The following EEF2 variants were observed in gnomAD, a reference collection of about 807,000 sequenced individuals.
EEF2 encodes elongation factor 2.
EEF2 carries 21 observed loss-of-function variants against 85.3 expected under a neutral mutation model. That is an observed-to-expected ratio of 0.25 (90% confidence interval 0.17 to 0.35). EEF2 has a LOEUF of 0.35. Ranked by LOEUF, EEF2 falls within the 10% of genes least tolerant of loss-of-function variation. EEF2 has a pLI of 1.00. For missense variants in EEF2, 825 were observed against 1,225.3 expected, an observed-to-expected ratio of 0.67 and a Z score of 4.88; for synonymous variants, 723 against 508.8, an observed-to-expected ratio of 1.42 and a Z score of -5.67.
rs905281026 is a variant in EEF2 at position 3,976,099 on chromosome 19, C to G, written c.*455G>C. ...TATTATTCCAATGGCACTAGTACAG[C>G]TGGAGGTGCTCATGGTGACACCGCA... is the stretch of plus-strand genomic sequence containing the variant. On this transcript the variant is annotated 3_prime_UTR_variant, in exon 15 of 15. Transcript: ENST00000309311. 2 of 187,422 alleles carry G rather than the reference C, an allele frequency of 1.1e-5. No individual in the cohort carries two copies. Among genetic ancestry groups the G allele is most frequent in the Non-Finnish European group, 2.3e-5 (2 of 88,612 alleles). The allele number at this position is 187,422 out of a possible 1,614,324, so 11.6% of individuals were successfully genotyped here.
chr19:3,977,129 C>T lies in EEF2; in HGVS notation c.2383+86G>A, dbSNP rs2039688168. The stretch of plus-strand genomic sequence containing the variant: ...TCACCTGCTCCCATCAGGACGCCTC[C>T]TTTAACACCTTGCTAAGCTTAACTG... On this transcript the variant is annotated intron_variant, in intron 14 of 14. Coordinates refer to ENST00000309311, the MANE Select transcript of EEF2 (RefSeq NM_001961.4). The surrounding 1 kb of genome is among the most constrained non-coding windows in gnomAD (Gnocchi z 5.4). 6.4e-7 allele frequency: 1 copy of T among 1,556,160 alleles called. No homozygotes were observed. Among genetic ancestry groups the T allele is most frequent in the Admixed American group, 1.8e-5 (1 of 55,490 alleles).
chr19:3,985,388 G>T lies in EEF2; in HGVS notation c.-8C>A. On this transcript the variant is annotated 5_prime_UTR_variant, in exon 1 of 15. Coordinates refer to ENST00000309311, the MANE Select transcript of EEF2 (RefSeq NM_001961.4). The stretch of plus-strand genomic sequence containing the variant: ...GGCAGGGTTACTCACCATGGTGGCG[G>T]ATGGCGGTGGATTCTCCCAGGTAGA... The T allele has an allele frequency of 6.6e-7, 1 of 1,512,800 alleles. No homozygotes were observed. Among genetic ancestry groups the T allele is most frequent in the Non-Finnish European group, 8.9e-7 (1 of 1,127,640 alleles). 93.7% of individuals were successfully genotyped at this position (1,512,800 alleles called of 1,614,324 possible). A position where few individuals can be genotyped will look rare whatever the true frequency, so the allele number is the denominator to read the frequency against.
In EEF2 at chr19:3,985,451, G is replaced by T. The variant is rs373888946; in HGVS notation, c.-71C>A. The T allele has an allele frequency of 1.8e-4, 250 of 1,417,848 alleles. No homozygotes were observed. The highest frequency in any genetic ancestry group is 2.2e-4 in the Non-Finnish European group (240 of 1,075,870). The allele number at this position is 1,417,848 out of a possible 1,614,324, so 87.8% of individuals were successfully genotyped here. A position where few individuals can be genotyped will look rare whatever the true frequency, so the allele number is the denominator to read the frequency against. On this transcript the variant is annotated 5_prime_UTR_variant, in exon 1 of 15. Coordinates refer to ENST00000309311, the MANE Select transcript of EEF2 (RefSeq NM_001961.4). ...GAGTCGCGCCGAGGATGGCGGCGAC[G>T]ACGGCGGAAGAGAACGCTGACGTCA... is the stretch of plus-strand genomic sequence containing the variant.
At chr19:3,981,833 G>C (rs552713680) in intron 6 of EEF2, 114 bp downstream of exon 6, 13 of 929,908 alleles carry the variant, frequency 1.4e-5, no homozygotes, top group Middle Eastern at 3.3e-4. Context: ...CTCCCATCTC[G>C]CATCTGCCCC....
chr19:3,976,119 A>T lies in EEF2; in HGVS notation c.*435T>A. 1 of 203,060 alleles carries T rather than the reference A, an allele frequency of 4.9e-6. No homozygotes were observed. The highest frequency in any genetic ancestry group is 1.0e-5 in the Non-Finnish European group (1 of 98,252). 12.6% of individuals were successfully genotyped at this position (203,060 alleles called of 1,614,324 possible). On this transcript the variant is annotated 3_prime_UTR_variant, in exon 15 of 15. Transcript: ENST00000309311. The stretch of plus-strand genomic sequence containing the variant: ...TACAGCTGGAGGTGCTCATGGTGAC[A>T]CCGCACAGGACTTCCTGCCTGCTAG...
At chr19:3,980,115 A>G (rs1234248237) in intron 9 of EEF2, 49 bp from the exon 10 acceptor site, 1 of 1,583,820 alleles carries the variant, frequency 6.3e-7, no homozygotes, top group African/African-American at 1.3e-5. Flanking sequence ...GTTGTGCTGG[A>G]CCCTGGAGGG....
intron 1 of EEF2, 24 bp downstream of exon 1, chr19:3,985,354 C>T (rs752038166): frequency 6.8e-7 from 1 of 1,475,672 alleles, no homozygotes; most frequent in African/African-American, 1.4e-5. Context: ...CGCTCCGGGG[C>T]ACCAGCGAGG....
chr19:3,985,177 C>T, intron 1 of EEF2: 1 of 524,326 alleles, frequency 1.9e-6, no homozygotes, highest in Non-Finnish European at 3.1e-6. Context: ...TTATGGCGCC[C>T]TCGGAAACGG....
chr19:3,979,042 G>A (rs915467465), intron 11 of EEF2, among the ~76,000 whole-genome samples: 5 of 151,902 alleles, frequency 3.3e-5, no homozygotes, highest in African/African-American at 1.2e-4. Flanking sequence ...TGAGGCAAGA[G>A]AATCGCTTGA....
At chr19:3,983,352 G>C (rs1198498483) in intron 2 of EEF2, 61 bp from the exon 3 acceptor site, 65 of 1,550,762 alleles carry the variant, frequency 4.2e-5, no homozygotes, top group Non-Finnish European at 5.2e-5. Flanking sequence ...AGGGAGTCTG[G>C]GATGCTGTCA....
At position 3,976,347 on chromosome 19, in the gene EEF2, T is replaced by G; in HGVS notation, c.*207A>C. On this transcript the variant is annotated 3_prime_UTR_variant, in exon 15 of 15. Transcript: ENST00000309311. ...ATTAAGTCCCTACTAAGAGGGCGTGTCTGCTGCCTCCGGACTCTGGAAATA... is the reference window on the plus strand; with the variant it reads ...ATTAAGTCCCTACTAAGAGGGCGTGGCTGCTGCCTCCGGACTCTGGAAATA... 1 of 424,132 alleles carries G rather than the reference T, an allele frequency of 2.4e-6. No individual in the cohort carries two copies. 26.3% of individuals were successfully genotyped at this position (424,132 alleles called of 1,614,324 possible).
At position 3,977,868 on chromosome 19, in the gene EEF2, T is replaced by C. The variant is rs144336814; in HGVS notation, c.2018A>G (p.Asn673Ser). 2.2e-5 allele frequency: 36 copies of C among 1,611,048 alleles called. No homozygotes were observed. Among genetic ancestry groups the C allele is most frequent in the Admixed American group, 1.2e-4 (7 of 59,866 alleles). ...TDITKGVQYL[N>S]EIKDSVVAGF... is the part of the protein sequence containing the mutation. Reference sequence around the variant, plus strand: ...GGCCACCACACTGTCCTTGATCTCGTTGAGGTACTGCACACCCTTGGTGAT... The same window carrying C: ...GGCCACCACACTGTCCTTGATCTCGCTGAGGTACTGCACACCCTTGGTGAT... Residue 673 changes from asparagine (N) to serine (S), a missense_variant, in exon 12 of 15, where the codon AAC (asparagine) becomes AGC (serine). Coordinates refer to ENST00000309311, the MANE Select transcript of EEF2 (RefSeq NM_001961.4). This position sits in a 1 kb window ranked among gnomAD's most constrained non-coding sequence, Gnocchi z 5.4.
chr19:3,981,045 C>T, intron 7 of EEF2, 66 bp from the exon 8 acceptor site: 2 of 1,516,518 alleles, frequency 1.3e-6, no homozygotes, highest in Non-Finnish European at 1.8e-6. Context: ...CCCGTACACG[C>T]TTCCTCTCTT....
At chr19:3,978,228 C>T (rs752880795) in intron 11 of EEF2, 56 bp from the exon 12 acceptor site, 7 of 1,388,076 alleles carry the variant, frequency 5.0e-6, no homozygotes, top group East Asian at 5.2e-5. Context: ...ACCTTACACA[C>T]AGACGCATCC....
rs752464645 is a variant in EEF2, at chr19:3,980,926, G to A, written c.1065C>T (p.Thr355=). 3.8e-6 allele frequency: 6 copies of A among 1,571,378 alleles called. No individual in the cohort carries two copies. The African/African-American group carries it at 8.1e-5, about 21-fold the overall frequency. The stretch of plus-strand genomic sequence containing the variant: ...CCGTCACAGGGGAGGGCAGGTGGAT[G>A]GTGATCATCTGCAACAAGGCGTCTC... ...PAGDALLQMI[T]IHLPSPVTAQ... The change falls in exon 8 of 15, where the codon ACC becomes ACT. Residue 355 remains threonine (T), a synonymous_variant. Transcript: ENST00000309311.
rs375851064 is a variant in EEF2, at chr19:3,983,023, G to C, written c.401-5C>G. On this transcript the variant is annotated splice_polypyrimidine_tract_variant and splice_region_variant and intron_variant, in intron 3 of 14. Coordinates refer to ENST00000309311, the MANE Select transcript of EEF2 (RefSeq NM_001961.4). ...TCTCCGTCTGCACGCACACGCCTGG[G>C]GACACGGGGGACAGGGCGGCGCTGT... The C allele has an allele frequency of 6.2e-7, 1 of 1,612,596 alleles. No individual in the cohort carries two copies. The highest frequency in any genetic ancestry group is 1.3e-5 in the African/African-American group (1 of 74,888).
rs929803902 is a variant in EEF2, at chr19:3,984,434, C to A, written c.4-84G>T. Reference sequence around the variant, plus strand: ...GGAGCGTTCAGTCCAAACGAACCAGCATGCCCAAGGCCAGGAGGGGGTTGG... The same window carrying A: ...GGAGCGTTCAGTCCAAACGAACCAGAATGCCCAAGGCCAGGAGGGGGTTGG... On this transcript the variant is annotated intron_variant, in intron 1 of 14. Transcript: ENST00000309311. 2.1e-6 allele frequency: 3 copies of A among 1,450,848 alleles called. No individual in the cohort carries two copies. In the African/African-American group the frequency reaches 4.2e-5, roughly 20 times the overall value. 89.9% of individuals were successfully genotyped at this position (1,450,848 alleles called of 1,614,324 possible).
Position 3,982,034 on chromosome 19 carries a change from G to A in EEF2, c.810C>T (p.Asn270=), listed in dbSNP as rs201754413. The A allele has an allele frequency of 9.4e-5, 152 of 1,614,146 alleles. No homozygotes were observed. The highest frequency in any genetic ancestry group is 3.3e-4 in the Middle Eastern group (2 of 6,054). ...LWGDRYFDPA[N]GKFSKSATSP... ...TGGTGGCTGACTTGCTGAACTTGCC[G>A]TTGGCTGGGTCAAAGTACCTGGCAA... is the stretch of plus-strand genomic sequence containing the variant. Residue 270 remains asparagine (N), a synonymous_variant, in exon 6 of 15, where the codon AAC becomes AAT. Transcript: ENST00000309311.
chr19:3,980,482 C>T, intron 9 of EEF2, 32 bp downstream of exon 9: 2 of 1,596,738 alleles, frequency 1.3e-6, no homozygotes, highest in Non-Finnish European at 1.7e-6. Context: ...CGCAACAGTG[C>T]CAAGGGGCCT....
Sources: gnomAD v4.1 joint callset for allele counts (sites outside exome capture counted in the v4.1 genomes callset) on GRCh38, gnomAD v4.1.1 for gene constraint, Gnocchi (gnomAD v3.1) non-coding constraint, MANE v1.5 for transcripts, NCBI Gene and HGNC (gene_info 2026-07-23, HGNC 2026-07-21) for gene names.